The following HIVEP1 variants were observed in gnomAD, a reference collection of about 807,000 sequenced individuals.
HIVEP1 encodes HIVEP zinc finger 1.
HIVEP1 carries 36 observed loss-of-function variants against 180.0 expected under a neutral mutation model. The ratio of observed to expected loss-of-function variants is 0.20; its 90% CI spans 0.15 to 0.26. HIVEP1 has a LOEUF of 0.26. Ranked by LOEUF, HIVEP1 falls within the 10% of genes least tolerant of loss-of-function variation. HIVEP1 has a pLI of 1.00. For synonymous variants in HIVEP1, 1,239 were observed against 1,239.0 expected, an observed-to-expected ratio of 1.00 and a Z score of 0.00; for missense variants, 3,143 against 3,268.7, an observed-to-expected ratio of 0.96 and a Z score of 0.94.
chr6:12,107,097 C>A (rs1774478602), intron 3 of HIVEP1, among the ~76,000 whole-genome samples: 2 of 152,162 alleles, frequency 1.3e-5, no homozygotes, highest in South Asian at 4.1e-4. Context: ...AGCCAATAGG[C>A]ACTGTACCTA....
At chr6:12,011,088 A>C (rs1483299377), upstream of HIVEP1, among the ~76,000 whole-genome samples, 4 of 152,180 alleles carry the variant, frequency 2.6e-5, no homozygotes, top group Non-Finnish European at 4.4e-5. Context: ...TCGCTCTTTT[A>C]ATAGAACATC....
chr6:12,098,770 T>C (rs1463909487), intron 3 of HIVEP1, among the ~76,000 whole-genome samples: 1 of 152,178 alleles, frequency 6.6e-6, no homozygotes, highest in Non-Finnish European at 1.5e-5. Flanking sequence ...GTCTATAAAA[T>C]GAATTTAAAA....
At position 12,087,666 on chromosome 6, in the gene HIVEP1, A is replaced by C. The variant is rs934295905; in HGVS notation, c.41-1518A>C. 5.9e-4 allele frequency among the ~76,000 whole-genome samples: 90 copies of C among 152,228 alleles called. 1 individual carries two copies. The highest frequency in any genetic ancestry group is 5.9e-5 in the Non-Finnish European group (4 of 67,990). ...CTTACACTGTGTTAATACGGATTTC[A>C]TGCAAGCATTCCATATTTTTCTGTC... On this transcript the variant is annotated intron_variant, in intron 2 of 8. Coordinates refer to ENST00000379388, the MANE Select transcript of HIVEP1 (RefSeq NM_002114.4).
At chr6:12,177,348 G>A in the HIVEP1 span, among the ~76,000 whole-genome samples, 142 of 152,098 alleles carry the variant, frequency 9.3e-4, no homozygotes, top group Non-Finnish European at 9.4e-4. Context: ...ATACAAAGGG[G>A]CCATGTTCAT....
chr6:12,061,008 A>G (rs375259854), intron 2 of HIVEP1, among the ~76,000 whole-genome samples: 3 of 152,208 alleles, frequency 2.0e-5, no homozygotes, highest in African/African-American at 7.2e-5. Flanking sequence ...CCCATGAGCG[A>G]GAGTCTGCCT....
At chr6:12,150,868 T>A (rs1193091043) in intron 7 of HIVEP1, among the ~76,000 whole-genome samples, 1 of 152,156 alleles carries the variant, frequency 6.6e-6, no homozygotes, top group Non-Finnish European at 1.5e-5. Context: ...TTCAGAGCAA[T>A]ATTTCTAAAC....
chr6:12,113,114 A>G (rs1446398808), intron 3 of HIVEP1, among the ~76,000 whole-genome samples: 3 of 151,586 alleles, frequency 2.0e-5, no homozygotes, highest in East Asian at 1.9e-4. Context: ...GTGCGGGCCC[A>G]TGTTAAAGAG....
chr6:12,055,539 G>A (rs1345569075), intron 2 of HIVEP1, among the ~76,000 whole-genome samples: 2 of 152,114 alleles, frequency 1.3e-5, no homozygotes, highest in Non-Finnish European at 2.9e-5. Context: ...AAACCACAAT[G>A]CCTCATCTGA....
chr6:12,026,965 A>G (rs946764191), intron 2 of HIVEP1, among the ~76,000 whole-genome samples: 1 of 152,252 alleles, frequency 6.6e-6, no homozygotes, highest in Non-Finnish European at 1.5e-5. Context: ...TCTAGGGATC[A>G]GTAAATCCTG....
At chr6:12,180,631 C>T in the HIVEP1 span, among the ~76,000 whole-genome samples, 1 of 152,128 alleles carries the variant, frequency 6.6e-6, no homozygotes, top group Non-Finnish European at 1.5e-5. Flanking sequence ...ATAAACACCA[C>T]GTCATTTTCT....
intron 2 of HIVEP1, among the ~76,000 whole-genome samples, chr6:12,041,079 T>A (rs1769657621): frequency 6.6e-6 from 1 of 152,204 alleles, no homozygotes; most frequent in East Asian, 1.9e-4. Context: ...TTTTCTCCTC[T>A]GAGCTGTTGA....
chr6:12,103,748 C>T (rs543179210), intron 3 of HIVEP1, among the ~76,000 whole-genome samples: 1 of 151,786 alleles, frequency 6.6e-6, no homozygotes, highest in Non-Finnish European at 1.5e-5. Context: ...AAAGTTTTTG[C>T]TTTCTTGGGC....
At chr6:12,159,532 G>A (rs553536547) in intron 7 of HIVEP1, among the ~76,000 whole-genome samples, 5 of 152,216 alleles carry the variant, frequency 3.3e-5, no homozygotes, top group South Asian at 4.2e-4. Context: ...CAGCCAGGGC[G>A]GAGGCTCGTT....
chr6:12,023,316 TAAGTG>T (rs891998629), intron 2 of HIVEP1, among the ~76,000 whole-genome samples: 116 of 152,340 alleles, frequency 7.6e-4, no homozygotes, highest in African/African-American at 2.7e-3. Flanking sequence ...GTTGAGCTGA[TAAGTG>T]GAGTAGGTTT....
At chr6:12,177,620 T>A in the HIVEP1 span, among the ~76,000 whole-genome samples, 1 of 152,212 alleles carries the variant, frequency 6.6e-6, no homozygotes, top group Admixed American at 6.5e-5. Context: ...GCATTGATTG[T>A]TATTAATCTG....
chr6:12,162,040 A>G (rs1581812383), intron 8 of HIVEP1, 111 bp downstream of exon 8: 1 of 951,320 alleles, frequency 1.1e-6, no homozygotes, highest in Non-Finnish European at 1.6e-6. Flanking sequence ...TTTAGGCCAA[A>G]TCAGTTTGTA....
At chr6:12,010,035 C>A (rs1448749909), upstream of HIVEP1, among the ~76,000 whole-genome samples, 1 of 152,228 alleles carries the variant, frequency 6.6e-6, no homozygotes, top group Non-Finnish European at 1.5e-5. Context: ...TTACCTTTCT[C>A]CTGACAGATT....
downstream of HIVEP1, among the ~76,000 whole-genome samples, chr6:12,166,860 T>C (rs1760718863): frequency 6.6e-6 from 1 of 152,212 alleles, no homozygotes; most frequent in African/African-American, 2.4e-5. Flanking sequence ...AGTTTTAATG[T>C]GTAACAATTT....
Position 12,124,254 on chromosome 6 carries a change from C to A in HIVEP1, c.4459C>A (p.Gln1487Lys). The change falls in exon 4 of 9, where the codon CAG becomes AAG. Residue 1487 changes from glutamine (Q) to lysine (K), a missense_variant. Around this residue, in one of 12 missense-constraint regions of HIVEP1, gnomAD observed 1,357 missense variants for 1,260.5 expected, o/e 1.08. Coordinates refer to ENST00000379388, the MANE Select transcript of HIVEP1 (RefSeq NM_002114.4). Reference protein sequence around the residue: ...FSANTLHSQTQVKDLQAETSN... With the variant: ...FSANTLHSQTKVKDLQAETSN... ...TGCAAATACTTTGCACTCTCAGACT[C>A]AGGTTAAGGATCTGCAGGCAGAAAC... 1 of 1,614,128 alleles carries A rather than the reference C, an allele frequency of 6.2e-7. No homozygotes were observed. Among genetic ancestry groups the A allele is most frequent in the Non-Finnish European group, 8.5e-7 (1 of 1,180,034 alleles).
Sources: gnomAD v4.1 joint callset for allele counts (sites outside exome capture counted in the v4.1 genomes callset) on GRCh38, gnomAD v4.1.1 for gene constraint, gnomAD v4.1.1 regional missense constraint, MANE v1.5 for transcripts, NCBI Gene and HGNC (gene_info 2026-07-23, HGNC 2026-07-21) for gene names.